GALNT7: variants seen among roughly 807,000 people sequenced by gnomAD.
GALNT7 encodes the protein polypeptide N-acetylgalactosaminyltransferase 7.
In GALNT7, 60 loss-of-function variants were observed where a neutral mutation model predicts 82.1. The ratio of observed to expected loss-of-function variants is 0.73; its 90% CI spans 0.59 to 0.91. The LOEUF (loss-of-function observed/expected upper bound fraction) is 0.91. GALNT7 is among the 40% of genes least tolerant of loss of function. The probability of loss-of-function intolerance (pLI) is 0.00; values close to 1 mark genes in which losing one functional copy is unlikely to be tolerated. For synonymous variants in GALNT7, 243 were observed against 275.1 expected (o/e 0.88, Z 1.15); for missense variants, 660 against 804.2 (o/e 0.82, Z 2.17).
chr4:173,244,799 T>C (rs1483825331), intron 1 of GALNT7, among the ~76,000 whole-genome samples: 1 of 151,968 alleles, frequency 6.6e-6, no homozygotes, highest in East Asian at 1.9e-4. Flanking sequence ...TGACAGGAAT[T>C]TATGATTAAT....
At chr4:173,241,186 C>T (rs912986893) in intron 1 of GALNT7, among the ~76,000 whole-genome samples, 3 of 126,528 alleles carry the variant, frequency 2.4e-5, no homozygotes, top group South Asian at 2.5e-4. Flanking sequence ...GCCTGGGCAA[C>T]AAAGTGAGAC....
At chr4:173,169,024 T>C in intron 1 of GALNT7, 63 bp downstream of exon 1, 2 of 1,565,238 alleles carry the variant, frequency 1.3e-6, no homozygotes, top group South Asian at 1.1e-5. Flanking sequence ...TTTGCCCGCG[T>C]GTGGAGGGAG....
chr4:173,168,951 G>C lies in GALNT7; in HGVS notation c.116G>C (p.Ser39Thr), dbSNP rs770970243. The C allele has an allele frequency of 6.2e-7, 1 of 1,613,586 alleles. No individual in the cohort carries two copies. Among genetic ancestry groups the C allele is most frequent in the East Asian group, 2.2e-5 (1 of 44,830 alleles). ...CGGCCGGACGACCCAAGCCCGCTGAGCAGGATGAGGGTGAGTGACCCGCCC... is the reference window on the plus strand; with the variant it reads ...CGGCCGGACGACCCAAGCCCGCTGACCAGGATGAGGGTGAGTGACCCGCCC... ...TPRPDDPSPL[S>T]RMREDRDVND... Residue 39 changes from serine (S) to threonine (T), a missense_variant, in exon 1 of 12, where the codon AGC (serine) becomes ACC (threonine). By Grantham distance (58) the Ser-to-Thr change is moderately conservative. This residue lies in a region of GALNT7 where 133 missense variants were observed against 120.7 expected (regional missense o/e 1.10). Transcript: ENST00000265000.
chr4:173,263,823 T>C (rs1735371710), intron 2 of GALNT7, among the ~76,000 whole-genome samples: 1 of 152,172 alleles, frequency 6.6e-6, no homozygotes, highest in Non-Finnish European at 1.5e-5. Context: ...GTTGTCCATA[T>C]TTTTTAAAGT....
Position 173,322,021 on chromosome 4 carries a change from G to A in GALNT7, c.*304G>A, listed in dbSNP as rs990094059. The A allele has an allele frequency of 1.0e-5, 2 of 199,090 alleles. No homozygotes were observed. The highest frequency in any genetic ancestry group is 2.1e-5 in the Non-Finnish European group (2 of 96,250). The allele number at this position is 199,090 out of a possible 1,614,324, so 12.3% of individuals were successfully genotyped here. A position where few individuals can be genotyped will look rare whatever the true frequency, so the allele number is the denominator to read the frequency against. On this transcript the variant is annotated 3_prime_UTR_variant, in exon 12 of 12. Transcript: ENST00000265000. ...GTTTTATTAGACAGAGTTAAAGCATGTTGTCTTCTTTGGGATTACACTCAG... is the reference window on the plus strand; with the variant it reads ...GTTTTATTAGACAGAGTTAAAGCATATTGTCTTCTTTGGGATTACACTCAG...
chr4:173,263,873 A>G lies in GALNT7; in HGVS notation c.587+15433A>G, dbSNP rs1735374968. Among the ~76,000 whole-genome samples the G allele has an allele frequency of 2.0e-5, 3 of 152,222 alleles. No homozygotes were observed. In the South Asian group the frequency reaches 6.2e-4, roughly 32 times the overall value. ...AAGATAAATATAAACACATCATAAAATAAGATCAATGGTATTTACATGATG... is the reference window on the plus strand; with the variant it reads ...AAGATAAATATAAACACATCATAAAGTAAGATCAATGGTATTTACATGATG... On this transcript the variant is annotated intron_variant, in intron 2 of 11. Coordinates refer to ENST00000265000, the MANE Select transcript of GALNT7 (RefSeq NM_017423.3).
At chr4:173,312,011 T>G (rs1367623433) in intron 8 of GALNT7, among the ~76,000 whole-genome samples, 1 of 152,186 alleles carries the variant, frequency 6.6e-6, no homozygotes, top group Non-Finnish European at 1.5e-5. Flanking sequence ...GTAAATCAAG[T>G]TGTATTAGAA....
In GALNT7 at chr4:173,323,864, A is replaced by G. The variant is rs1042773687; in HGVS notation, c.*2147A>G. ...GTATGTTTCTGTAGAAATTGTATAAATATTCAAAATTTTATTAGGATAAAT... is the reference window on the plus strand; with the variant it reads ...GTATGTTTCTGTAGAAATTGTATAAGTATTCAAAATTTTATTAGGATAAAT... On this transcript the variant is annotated 3_prime_UTR_variant, in exon 12 of 12. Coordinates refer to ENST00000265000, the MANE Select transcript of GALNT7 (RefSeq NM_017423.3). The G allele has an allele frequency of 1.3e-5, 2 of 152,608 alleles. No individual in the cohort carries two copies. Among genetic ancestry groups the G allele is most frequent in the African/African-American group, 4.8e-5 (2 of 41,464 alleles). The allele number at this position is 152,608 out of a possible 1,614,324, so 9.5% of individuals were successfully genotyped here. A position where few individuals can be genotyped will look rare whatever the true frequency, so the allele number is the denominator to read the frequency against.
intron 2 of GALNT7, among the ~76,000 whole-genome samples, chr4:173,276,394 GTAACTAGGT>G (rs1248810337): frequency 2.0e-5 from 3 of 152,148 alleles, no homozygotes; most frequent in Non-Finnish European, 4.4e-5. Context: ...TTGGAAAAAG[GTAACTAGGT>G]TATCTTAGAG....
chr4:173,199,070 G>A (rs558684264), intron 1 of GALNT7, among the ~76,000 whole-genome samples: 1 of 152,162 alleles, frequency 6.6e-6, no homozygotes, highest in Admixed American at 6.5e-5. Flanking sequence ...AGAGCAAAGA[G>A]CATGTATAAG....
At chr4:173,169,481 G>T (rs1032779551) in intron 1 of GALNT7, 1 of 151,334 alleles carries the variant, frequency 6.6e-6, no homozygotes, top group Admixed American at 6.6e-5. Context: ...GCAGCCGCCC[G>T]TCTGGGGGTG....
At chr4:173,271,982 C>T (rs1280524998) in intron 2 of GALNT7, among the ~76,000 whole-genome samples, 1 of 152,148 alleles carries the variant, frequency 6.6e-6, no homozygotes, top group Non-Finnish European at 1.5e-5. Context: ...CAGGTTTTCA[C>T]TATTGTAAAC....
At chr4:173,248,497 T>C (rs772883378) in intron 2 of GALNT7, 57 bp downstream of exon 2, 30 of 997,472 alleles carry the variant, frequency 3.0e-5, no homozygotes, top group Non-Finnish European at 4.3e-5. Context: ...TCATAGGTTT[T>C]TAGGTTTAGT....
intron 1 of GALNT7, among the ~76,000 whole-genome samples, chr4:173,239,733 A>G (rs997305537): frequency 6.6e-6 from 1 of 152,214 alleles, no homozygotes; most frequent in Non-Finnish European, 1.5e-5. Context: ...AGGGTTTTGT[A>G]TGAAATCTCC....
At chr4:173,284,772 A>G (rs1240530163) in intron 2 of GALNT7, among the ~76,000 whole-genome samples, 4 of 149,118 alleles carry the variant, frequency 2.7e-5, no homozygotes, top group South Asian at 2.1e-4. Flanking sequence ...TTATTACTAC[A>G]TGAATAGAGA....
intron 1 of GALNT7, among the ~76,000 whole-genome samples, chr4:173,219,949 T>A (rs1246836268): frequency 6.6e-6 from 1 of 152,226 alleles, no homozygotes; most frequent in African/African-American, 2.4e-5. Context: ...GGTTGTCTGT[T>A]TACTCTGCTA....
At chr4:173,187,920 C>T (rs997667366) in intron 1 of GALNT7, among the ~76,000 whole-genome samples, 3 of 152,156 alleles carry the variant, frequency 2.0e-5, no homozygotes, top group African/African-American at 7.2e-5. Flanking sequence ...AAAATTAAAA[C>T]AAATACCTTT....
chr4:173,244,395 A>G (rs1025773233), intron 1 of GALNT7, among the ~76,000 whole-genome samples: 5 of 152,322 alleles, frequency 3.3e-5, no homozygotes, highest in African/African-American at 9.6e-5. Context: ...AGGGAAAGAA[A>G]CATGTTGATG....
chr4:173,309,949 TA>T (rs1215465191), intron 8 of GALNT7, among the ~76,000 whole-genome samples: 1 of 152,146 alleles, frequency 6.6e-6, no homozygotes, highest in Non-Finnish European at 1.5e-5. Context: ...AAAGAAAAAC[TA>T]AAAGAGCTGA....
Sources: gnomAD v4.1 joint callset for allele counts (sites outside exome capture counted in the v4.1 genomes callset) on GRCh38, gnomAD v4.1.1 for gene constraint, gnomAD v4.1.1 regional missense constraint, MANE v1.5 for transcripts, NCBI Gene and HGNC (gene_info 2026-07-23, HGNC 2026-07-21) for gene names.